PLXNA2: variants seen among roughly 807,000 people sequenced by gnomAD.
PLXNA2 encodes plexin-A2.
Under a neutral mutation model 193.5 loss-of-function variants are expected in PLXNA2, and 91 were observed. The ratio of observed to expected loss-of-function variants is 0.47; its 90% CI spans 0.40 to 0.56. The LOEUF (loss-of-function observed/expected upper bound fraction) is 0.56, where lower values mean the gene tolerates loss of function less well. PLXNA2 is among the 20% of genes least tolerant of loss of function. The pLI, the probability that PLXNA2 is intolerant of heterozygous loss-of-function variation, is 0.00. For missense variants in PLXNA2, 1,995 were observed against 2,503.2 expected (o/e 0.80, Z 4.33); for synonymous variants, 997 against 1,027.3 (o/e 0.97, Z 0.56).
At chr1:208,086,221 CAGTGCTTGACATGTAACGGACATGTCAAG>C (rs1666514923) in intron 9 of PLXNA2, among the ~76,000 whole-genome samples, 1 of 152,054 alleles carries the variant, frequency 6.6e-6, no homozygotes, top group Admixed American at 6.5e-5. Context: ...GTCTTTCTGC[CAGTGCTTGACATGTAACGGACATGTCAAG>C]CATGTCATTG....
chr1:208,229,357 G>A (rs923955374), intron 1 of PLXNA2, among the ~76,000 whole-genome samples: 14 of 152,202 alleles, frequency 9.2e-5, no homozygotes, highest in East Asian at 3.9e-4. Flanking sequence ...ACAATATCTC[G>A]TGCTTCTTGG....
intron 2 of PLXNA2, among the ~76,000 whole-genome samples, chr1:208,214,266 T>C (rs780251868): frequency 1.8e-4 from 27 of 152,356 alleles, no homozygotes; most frequent in Middle Eastern, 3.4e-3. Context: ...CTTATTATGT[T>C]CCAGGTATTG....
chr1:208,045,084 C>T lies in PLXNA2; in HGVS notation c.3622G>A (p.Gly1208Arg), dbSNP rs762166105. 8 of 1,613,998 alleles carry T rather than the reference C, an allele frequency of 5.0e-6. No individual in the cohort carries two copies. The highest frequency in any genetic ancestry group is 1.1e-5 in the South Asian group (1 of 91,064). ...QLLCEPPNLTGQHKVMVHVGG... is the reference protein window; with the variant it reads ...QLLCEPPNLTRQHKVMVHVGG... Reference sequence around the variant, plus strand: ...TCACTCACCATGACCTTGTGCTGCCCGGTGAGGTTGGGAGGCTCGCAGAGA... The same window carrying T: ...TCACTCACCATGACCTTGTGCTGCCTGGTGAGGTTGGGAGGCTCGCAGAGA... The change falls in exon 19 of 32, where the codon GGG becomes AGG. Residue 1208 changes from glycine (G) to arginine (R), a missense_variant. Transcript: ENST00000367033.
chr1:208,190,552 C>G (rs149478094), intron 3 of PLXNA2, among the ~76,000 whole-genome samples: 5 of 152,172 alleles, frequency 3.3e-5, no homozygotes, highest in African/African-American at 4.8e-5. Context: ...TCAGTACTAT[C>G]GACATCATGG....
intron 4 of PLXNA2, among the ~76,000 whole-genome samples, chr1:208,139,220 G>C (rs1271535619): frequency 6.6e-6 from 1 of 152,194 alleles, no homozygotes; most frequent in African/African-American, 2.4e-5. Flanking sequence ...TTTAGAGTTA[G>C]ATTTATAATC....
intron 9 of PLXNA2, among the ~76,000 whole-genome samples, chr1:208,089,179 G>A (rs1666631249): frequency 1.3e-5 from 2 of 152,216 alleles, no homozygotes; most frequent in South Asian, 4.1e-4. Flanking sequence ...TATGCTGGCT[G>A]TCTTTTTATC....
intron 9 of PLXNA2, among the ~76,000 whole-genome samples, chr1:208,089,492 G>A (rs538991248): frequency 8.1e-4 from 123 of 152,302 alleles, no homozygotes; most frequent in African/African-American, 2.9e-3. Context: ...AAATTGCAGG[G>A]CTGTTGCAAG....
In PLXNA2 at chr1:208,084,547, A is replaced by C. The variant is rs1347378190; in HGVS notation, c.2131T>G (p.Leu711Val). 14 of 1,614,260 alleles carry C rather than the reference A, an allele frequency of 8.7e-6. No homozygotes were observed. The highest frequency in any genetic ancestry group is 1.2e-5 in the Non-Finnish European group (14 of 1,180,036). ...CPQLVPTEEI[L>V]IPVGEVKPIT... is the part of the protein sequence containing the mutation. The stretch of plus-strand genomic sequence containing the variant: ...GGCTTTACCTCCCCGACTGGAATCA[A>C]GATCTCCTCTGTGGGCACCAGCTGG... Residue 711 changes from leucine (L) to valine (V), a missense_variant, in exon 10 of 32, where the codon TTG becomes GTG. Physicochemically the swap from Leu to Val is conservative, Grantham distance 32. This residue lies in a region of PLXNA2 where 1,291 missense variants were observed against 1,673.6 expected (regional missense o/e 0.77). Transcript: ENST00000367033.
chr1:208,050,975 T>C (rs1665239433), intron 17 of PLXNA2, 34 bp downstream of exon 17: 1 of 1,496,968 alleles, frequency 6.7e-7, no homozygotes, highest in South Asian at 1.1e-5. Flanking sequence ...GAGCTGTGTT[T>C]ACCAAAGGCT....
At chr1:208,129,910 C>G (rs1385027425) in intron 4 of PLXNA2, among the ~76,000 whole-genome samples, 6 of 152,212 alleles carry the variant, frequency 3.9e-5, no homozygotes, top group Non-Finnish European at 8.8e-5. Flanking sequence ...TCATTCTTCC[C>G]TCTCCTGTCT....
At chr1:208,168,386 C>T (rs902922792) in intron 3 of PLXNA2, among the ~76,000 whole-genome samples, 1 of 152,184 alleles carries the variant, frequency 6.6e-6, no homozygotes, top group Non-Finnish European at 1.5e-5. Flanking sequence ...GCAACAGGTG[C>T]TGATCTGTTT....
Position 208,217,794 on chromosome 1 carries a change from A to C in PLXNA2, c.129T>G (p.Ser43=), listed in dbSNP as rs1572044402. The part of the protein sequence containing the change: ...AGMPQFSTFH[S]ENRDWTFNHL... The stretch of plus-strand genomic sequence containing the variant: ...GGTTGAAGGTCCAGTCACGATTCTC[A>C]GAGTGGAAGGTGCTGAACTGAGGCA... The change falls in exon 2 of 32, where the codon TCT becomes TCG. Residue 43 remains serine, a synonymous_variant. Transcript: ENST00000367033. This position sits in a 1 kb window ranked among gnomAD's most constrained non-coding sequence, Gnocchi z 4.7. 1 of 1,613,958 alleles carries C rather than the reference A, an allele frequency of 6.2e-7. No individual in the cohort carries two copies. Among genetic ancestry groups the C allele is most frequent in the African/African-American group, 1.3e-5 (1 of 74,914 alleles).
At position 208,158,142 on chromosome 1, in the gene PLXNA2, C is replaced by A. The variant is rs150405481; in HGVS notation, c.1372-15679G>T. Among the ~76,000 whole-genome samples, 576 of 152,252 alleles carry A rather than the reference C, an allele frequency of 3.8e-3. 3 individuals carry two copies. Among genetic ancestry groups the A allele is most frequent in the Middle Eastern group, 0.017 (5 of 294 alleles). On this transcript the variant is annotated intron_variant, in intron 3 of 31. Coordinates refer to ENST00000367033, the MANE Select transcript of PLXNA2 (RefSeq NM_025179.4). ...GCTTCTGATGCCTTTCTCTTCTTCC[C>A]CGTTGAAAGAGACAGTCACATAAAT... is the stretch of plus-strand genomic sequence containing the variant.
Position 208,046,002 on chromosome 1 carries a change from T to C in PLXNA2, c.3371A>G (p.Asn1124Ser). 1 of 1,614,248 alleles carries C rather than the reference T, an allele frequency of 6.2e-7. No individual in the cohort carries two copies. The highest frequency in any genetic ancestry group is 8.5e-7 in the Non-Finnish European group (1 of 1,180,038). Reference sequence around the variant, plus strand: ...GTAAATTAGCAAGGATTGGACATTGTTAAAGACAAATCCAAACTCATCTGG... The same window carrying C: ...GTAAATTAGCAAGGATTGGACATTGCTAAAGACAAATCCAAACTCATCTGG... ...ERPDEFGFVF[N>S]NVQSLLIYND... The change falls in exon 18 of 32, where the codon AAC (asparagine) becomes AGC (serine). Residue 1124 changes from asparagine to serine, a missense_variant. Asn to Ser is a conservative substitution (Grantham distance 46). This residue lies in a region of PLXNA2 where 1,291 missense variants were observed against 1,673.6 expected (regional missense o/e 0.77). Transcript: ENST00000367033.
chr1:208,036,015 A>G (rs1664660285), intron 26 of PLXNA2, among the ~76,000 whole-genome samples: 1 of 152,234 alleles, frequency 6.6e-6, no homozygotes, highest in Non-Finnish European at 1.5e-5. Context: ...AGAGGGTAAC[A>G]AGAGGGCAGT....
intron 4 of PLXNA2, among the ~76,000 whole-genome samples, chr1:208,115,236 T>C (rs1407865570): frequency 6.6e-6 from 1 of 152,184 alleles, no homozygotes; most frequent in Non-Finnish European, 1.5e-5. Context: ...TCTGATATAT[T>C]TGATTTATCA....
intron 1 of PLXNA2, among the ~76,000 whole-genome samples, chr1:208,220,904 C>A (rs947102386): frequency 6.6e-6 from 1 of 152,192 alleles, no homozygotes; most frequent in Non-Finnish European, 1.5e-5. Flanking sequence ...TGACAGAGCT[C>A]AGTCTGGGAA....
intron 3 of PLXNA2, among the ~76,000 whole-genome samples, chr1:208,146,496 C>A (rs1331424881): frequency 6.6e-6 from 1 of 152,140 alleles, no homozygotes; most frequent in Non-Finnish European, 1.5e-5. Context: ...GGGGAGAATG[C>A]CTTGGAAGTG....
Position 208,084,565 on chromosome 1 carries a change from C to T in PLXNA2, c.2113G>A (p.Val705Met), listed in dbSNP as rs1666449381. 1.2e-6 allele frequency: 2 copies of T among 1,614,232 alleles called. No individual in the cohort carries two copies. Among genetic ancestry groups the T allele is most frequent in the Non-Finnish European group, 1.7e-6 (2 of 1,180,030 alleles). ...INISEDCPQL[V>M]PTEEILIPVG... is the part of the protein sequence containing the mutation. ...GGAATCAAGATCTCCTCTGTGGGCA[C>T]CAGCTGGGGACAGTCCTGGGGGAAC... The change falls in exon 10 of 32, where the codon GTG becomes ATG. Residue 705 changes from valine to methionine, a missense_variant. This residue lies in a region of PLXNA2 where 1,291 missense variants were observed against 1,673.6 expected (regional missense o/e 0.77). Transcript: ENST00000367033.
Sources: allele counts gnomAD v4.1 joint callset (sites outside exome capture counted in the v4.1 genomes callset), GRCh38; gene constraint gnomAD v4.1.1; regional missense constraint gnomAD v4.1.1; non-coding constraint Gnocchi (gnomAD v3.1); transcripts MANE v1.5; gene names NCBI Gene and HGNC (gene_info 2026-07-23, HGNC 2026-07-21).